Variants in EXOC5 observed in about 807,000 individuals in gnomAD.
The protein encoded by EXOC5 is exocyst complex component 5, also known as SEC10-like 1.
Under a neutral mutation model 90.8 loss-of-function variants are expected in EXOC5, and 17 were observed. That is an observed-to-expected ratio of 0.19 (90% CI 0.13 to 0.28). The LOEUF (loss-of-function observed/expected upper bound fraction) is 0.28, where lower values mean the gene tolerates loss of function less well. Ranked by LOEUF, EXOC5 falls within the 10% of genes least tolerant of loss-of-function variation. EXOC5 has a pLI of 1.00. For synonymous variants in EXOC5, 260 were observed against 270.0 expected (o/e 0.96, Z 0.36); for missense variants, 569 against 830.6 (o/e 0.69, Z 3.87).
chr14:57,223,327 A>T (rs1883211032), intron 12 of EXOC5, among the ~76,000 whole-genome samples: 1 of 151,984 alleles, frequency 6.6e-6, no homozygotes, highest in African/African-American at 2.4e-5. Context: ...TTATACATTG[A>T]TTTCTGCTTC....
intron 13 of EXOC5, 68 bp downstream of exon 13, chr14:57,222,240 A>T (rs1159494362): frequency 4.1e-6 from 3 of 727,850 alleles, no homozygotes; most frequent in Non-Finnish European, 6.9e-6. Context: ...GCAAAACAAC[A>T]TTATGCATAT....
At chr14:57,232,891 C>T in intron 9 of EXOC5, 142 bp from the exon 10 acceptor site, 1 of 515,302 alleles carries the variant, frequency 1.9e-6, no homozygotes, top group Non-Finnish European at 3.4e-6. Context: ...TTACAGAAAA[C>T]AAACCAATCA....
In EXOC5 at chr14:57,248,397, T is replaced by C. The variant is rs186285745; in HGVS notation, c.28-685A>G. Among the ~76,000 whole-genome samples the C allele has an allele frequency of 1.4e-3, 217 of 152,052 alleles. 4 individuals are homozygous for C. Among genetic ancestry groups the C allele is most frequent in the Non-Finnish European group, 1.6e-4 (11 of 67,896 alleles). On this transcript the variant is annotated intron_variant, in intron 1 of 17. Transcript: ENST00000621441. ...CCATAGTTGACAAATTAGGGTAAAC[T>C]TACAGGATGAAAAACAATGTTCCTT...
At chr14:57,247,959 C>G (rs966707266) in intron 1 of EXOC5, among the ~76,000 whole-genome samples, 2 of 151,506 alleles carry the variant, frequency 1.3e-5, no homozygotes, top group Non-Finnish European at 2.9e-5. Flanking sequence ...TGGAACAACT[C>G]AACAGAAAAA....
At chr14:57,225,557 G>A (rs895654107) in intron 12 of EXOC5, among the ~76,000 whole-genome samples, 1 of 142,580 alleles carries the variant, frequency 7.0e-6, no homozygotes, top group African/African-American at 2.6e-5. Flanking sequence ...CTGATAATAT[G>A]ATAATCTACA....
rs939380383 is a variant in EXOC5, at chr14:57,207,429, G to C, written c.*1180C>G. On this transcript the variant is annotated 3_prime_UTR_variant, in exon 18 of 18. Transcript: ENST00000621441. ...GCAAGTTTATAAGGTTTATAGAATA[G>C]TAATGGCCTTTCTAAATTTTCACTT... 1.3e-5 allele frequency: 2 copies of C among 152,468 alleles called. No homozygotes were observed. The highest frequency in any genetic ancestry group is 2.1e-4 in the South Asian group (1 of 4,826). The allele number at this position is 152,468 out of a possible 1,614,324, so 9.4% of individuals were successfully genotyped here.
chr14:57,210,589 A>G (rs1882799853), intron 15 of EXOC5, among the ~76,000 whole-genome samples: 1 of 152,180 alleles, frequency 6.6e-6, no homozygotes, highest in South Asian at 2.1e-4. Context: ...TTTGTACATG[A>G]AACGTTTATG....
chr14:57,241,592 T>C (rs1308564387), intron 4 of EXOC5, among the ~76,000 whole-genome samples: 1 of 152,224 alleles, frequency 6.6e-6, no homozygotes, highest in South Asian at 2.1e-4. Flanking sequence ...TTGTTTATAT[T>C]GAATTTCCAT....
chr14:57,248,695 A>G (rs1884099204), intron 1 of EXOC5, among the ~76,000 whole-genome samples: 1 of 152,116 alleles, frequency 6.6e-6, no homozygotes, highest in Admixed American at 6.5e-5. Flanking sequence ...CCTACCTAGC[A>G]TGTAACTTAA....
Position 57,268,816 on chromosome 14 carries a change from T to A in EXOC5, c.-168A>T, listed in dbSNP as rs547676439. 4.3e-6 allele frequency: 6 copies of A among 1,389,366 alleles called. No homozygotes were observed. Among genetic ancestry groups the A allele is most frequent in the Non-Finnish European group, 4.6e-6 (5 of 1,077,538 alleles). 86.1% of individuals were successfully genotyped at this position (1,389,366 alleles called of 1,614,324 possible). On this transcript the variant is annotated 5_prime_UTR_variant, in exon 1 of 18. The change abolishes an upstream ATG in the 5' untranslated region. Coordinates refer to ENST00000621441, the MANE Select transcript of EXOC5 (RefSeq NM_006544.4). ...CCCAGGAGGGGCGGGAGAGCGGCCA[T>A]GAAGCGAAGCCGCAAACGCTTGTCA...
intron 13 of EXOC5, among the ~76,000 whole-genome samples, chr14:57,221,966 C>G (rs1335294847): frequency 6.6e-6 from 1 of 152,088 alleles, no homozygotes; most frequent in Non-Finnish European, 1.5e-5. Flanking sequence ...TAATACTTCT[C>G]TTTCTAAATT....
intron 1 of EXOC5, among the ~76,000 whole-genome samples, chr14:57,258,185 T>C (rs1323968016): frequency 6.6e-6 from 1 of 152,176 alleles, no homozygotes; most frequent in Non-Finnish European, 1.5e-5. Flanking sequence ...GACCCAGCAA[T>C]CCCATTACTG....
At chr14:57,262,538 ATGTGTGTGTGTG>A (rs55879618) in intron 1 of EXOC5, among the ~76,000 whole-genome samples, 1 of 143,840 alleles carries the variant, frequency 7.0e-6, no homozygotes, top group Non-Finnish European at 1.5e-5. Flanking sequence ...GTAAATACAT[ATGTGTGTGTGTG>A]TGTGTGTGTG....
Position 57,247,605 on chromosome 14 carries a change from T to G in EXOC5, c.122+13A>C, listed in dbSNP as rs200721623. 10 of 1,458,580 alleles carry G rather than the reference T, an allele frequency of 6.9e-6. No individual in the cohort carries two copies. The highest frequency in any genetic ancestry group is 8.4e-6 in the Non-Finnish European group (9 of 1,073,708). The allele number at this position is 1,458,580 out of a possible 1,614,324, so 90.4% of individuals were successfully genotyped here. A position where few individuals can be genotyped will look rare whatever the true frequency, so the allele number is the denominator to read the frequency against. ...AGATTAGATCTGTGGGGAAAAAAAT[T>G]TTTTTATTTCACCTTTTAGGATCAA... On this transcript the variant is annotated intron_variant, in intron 2 of 17. Coordinates refer to ENST00000621441, the MANE Select transcript of EXOC5 (RefSeq NM_006544.4).
chr14:57,225,636 G>A (rs11845312), intron 12 of EXOC5, among the ~76,000 whole-genome samples: 23,491 of 151,404 alleles, frequency 0.16, 3,557 homozygotes, highest in African/African-American at 0.4. Context: ...GTTTAGTTAG[G>A]TTGCAGGTCT....
At chr14:57,263,895 C>A (rs981881352) in intron 1 of EXOC5, among the ~76,000 whole-genome samples, 2 of 152,108 alleles carry the variant, frequency 1.3e-5, no homozygotes, top group Non-Finnish European at 2.9e-5. Context: ...CTGGAGCCAT[C>A]TTGTGTCTCT....
chr14:57,246,303 C>T (rs897827249), intron 3 of EXOC5, among the ~76,000 whole-genome samples: 1 of 152,146 alleles, frequency 6.6e-6, no homozygotes, highest in African/African-American at 2.4e-5. Flanking sequence ...CAAGGGAAAA[C>T]CTAATTCAGA....
chr14:57,261,497 A>G (rs1884502965), intron 1 of EXOC5, among the ~76,000 whole-genome samples: 1 of 152,224 alleles, frequency 6.6e-6, no homozygotes, highest in African/African-American at 2.4e-5. Flanking sequence ...CTCTACCTCT[A>G]CCACTGTCTC....
At chr14:57,268,447 C>T (rs1444331059) in intron 1 of EXOC5, 175 bp downstream of exon 1, 14 of 1,481,128 alleles carry the variant, frequency 9.5e-6, no homozygotes, top group Non-Finnish European at 1.3e-5. Flanking sequence ...GCACCCCTCC[C>T]CCATTTCACG....
Sources: gnomAD v4.1 joint callset for allele counts (sites outside exome capture counted in the v4.1 genomes callset) on GRCh38, gnomAD v4.1.1 for gene constraint, MANE v1.5 for transcripts, NCBI Gene and HGNC (gene_info 2026-07-23, HGNC 2026-07-21) for gene names.